Variants in BICD1 observed in about 807,000 individuals in gnomAD.
BICD1 encodes the protein protein bicaudal D homolog 1.
Under a neutral mutation model 92.5 loss-of-function variants are expected in BICD1, and 35 were observed. That is an observed-to-expected ratio of 0.38 (90% CI 0.29 to 0.50). The LOEUF (loss-of-function observed/expected upper bound fraction) is 0.50. Among genes scored for constraint, BICD1 ranks in the 20% least tolerant of loss-of-function variants. The pLI is 0.93. For missense variants in BICD1, 950 were observed against 1,189.8 expected, an observed-to-expected ratio of 0.80 and a Z score of 2.97; for synonymous variants, 429 against 465.1, an observed-to-expected ratio of 0.92 and a Z score of 1.00.
Position 32,378,093 on chromosome 12 carries a change from T to A in BICD1, c.*466T>A, listed in dbSNP as rs199870733. 1 of 152,676 alleles carries A rather than the reference T, an allele frequency of 6.5e-6. No homozygotes were observed. The highest frequency in any genetic ancestry group is 1.5e-5 in the Non-Finnish European group (1 of 68,224). The allele number at this position is 152,676 out of a possible 1,614,324, so 9.5% of individuals were successfully genotyped here. A position where few individuals can be genotyped will look rare whatever the true frequency, so the allele number is the denominator to read the frequency against. ...GATTTATGTCTATACAAATAATTTCTCTGAGGTGAATTTAATTCATTTATT... is the reference window on the plus strand; with the variant it reads ...GATTTATGTCTATACAAATAATTTCACTGAGGTGAATTTAATTCATTTATT... On this transcript the variant is annotated 3_prime_UTR_variant, in exon 10 of 10. Transcript: ENST00000652176.
intron 2 of BICD1, among the ~76,000 whole-genome samples, chr12:32,255,904 T>C (rs1946704741): frequency 6.6e-6 from 1 of 152,176 alleles, no homozygotes; most frequent in Non-Finnish European, 1.5e-5. Context: ...TTACCCTTAA[T>C]CAATGTTGAC....
At chr12:32,321,182 C>T (rs1367944260) in intron 4 of BICD1, among the ~76,000 whole-genome samples, 1 of 151,950 alleles carries the variant, frequency 6.6e-6, no homozygotes, top group Admixed American at 6.6e-5. Context: ...AAAAATTAGC[C>T]GGGCGTGGTG....
chr12:32,176,519 A>G (rs893404880), intron 1 of BICD1, among the ~76,000 whole-genome samples: 1 of 152,208 alleles, frequency 6.6e-6, no homozygotes, highest in Non-Finnish European at 1.5e-5. Flanking sequence ...TGCGTCAATC[A>G]AGATACGAAA....
chr12:32,216,222 CTT>C, intron 1 of BICD1, 23 bp from the exon 2 acceptor site: 1 of 1,606,392 alleles, frequency 6.2e-7, no homozygotes, highest in South Asian at 1.1e-5. Context: ...ATTGTGTACT[CTT>C]TTTCTTCCCA....
chr12:32,187,263 G>A (rs1944443142), intron 1 of BICD1, among the ~76,000 whole-genome samples: 1 of 152,152 alleles, frequency 6.6e-6, no homozygotes, highest in Non-Finnish European at 1.5e-5. Context: ...AATTTATCAG[G>A]ACAAACAGTT....
chr12:32,236,872 CTTTTTTTTTT>C (rs57318640), intron 2 of BICD1, among the ~76,000 whole-genome samples: 3 of 89,320 alleles, frequency 3.4e-5, no homozygotes, highest in Non-Finnish European at 6.4e-5. Flanking sequence ...AAGTCTAATT[CTTTTTTTTTT>C]TTTTTTTTTT....
At chr12:32,259,338 T>C (rs1160787816) in intron 2 of BICD1, among the ~76,000 whole-genome samples, 1 of 152,190 alleles carries the variant, frequency 6.6e-6, no homozygotes, top group Non-Finnish European at 1.5e-5. Flanking sequence ...ACCTGGGTAA[T>C]CCTCCACCCA....
At chr12:32,198,548 T>TC (rs1288634466) in intron 1 of BICD1, among the ~76,000 whole-genome samples, 2 of 147,908 alleles carry the variant, frequency 1.4e-5, no homozygotes, top group African/African-American at 2.5e-5. Flanking sequence ...TCCCCACTCT[T>TC]TTTTTTTTAT....
intron 9 of BICD1, among the ~76,000 whole-genome samples, chr12:32,374,729 G>A (rs1427623048): frequency 5.0e-5 from 6 of 120,398 alleles, no homozygotes; most frequent in South Asian, 2.9e-4. Flanking sequence ...CACCACGCCC[G>A]GCTAATTTTT....
chr12:32,369,295 G>A (rs1264049998), intron 9 of BICD1, among the ~76,000 whole-genome samples: 1 of 152,244 alleles, frequency 6.6e-6, no homozygotes, highest in East Asian at 1.9e-4. Flanking sequence ...GGCCTCTGAT[G>A]GTGCCAGACC....
intron 8 of BICD1, among the ~76,000 whole-genome samples, chr12:32,344,269 T>C (rs1354691088): frequency 2.6e-5 from 4 of 152,004 alleles, no homozygotes; most frequent in Non-Finnish European, 4.4e-5. Context: ...AAGAACCTTA[T>C]AGGAAAGGAG....
intron 8 of BICD1, among the ~76,000 whole-genome samples, chr12:32,364,552 A>G (rs539369417): frequency 6.6e-6 from 1 of 152,330 alleles, no homozygotes; most frequent in African/African-American, 2.4e-5. Context: ...GCTACATTTT[A>G]GTTTAATTTT....
At chr12:32,335,375 T>C (rs891733431) in intron 6 of BICD1, among the ~76,000 whole-genome samples, 2 of 151,606 alleles carry the variant, frequency 1.3e-5, no homozygotes, top group Non-Finnish European at 2.9e-5. Context: ...TGGTCTCGAT[T>C]TCCTGACCTC....
At chr12:32,298,480 G>A (rs7300734) in intron 3 of BICD1, among the ~76,000 whole-genome samples, 20,821 of 148,452 alleles carry the variant, frequency 0.14, 1,505 homozygotes, top group East Asian at 0.2. Flanking sequence ...CAGGAGAATC[G>A]CTTGAACCCA....
At chr12:32,233,324 A>T (rs1445392771) in intron 2 of BICD1, among the ~76,000 whole-genome samples, 1 of 145,332 alleles carries the variant, frequency 6.9e-6, no homozygotes, top group Admixed American at 6.9e-5. Context: ...TCTGTCTTTA[A>T]AAAAAAAAAA....
At chr12:32,153,188 A>G (rs1943339858) in intron 1 of BICD1, among the ~76,000 whole-genome samples, 1 of 152,058 alleles carries the variant, frequency 6.6e-6, no homozygotes, top group African/African-American at 2.4e-5. Context: ...CTTTTCCTGC[A>G]TTTCTTTGCT....
At chr12:32,367,888 T>C (rs1939586349) in intron 9 of BICD1, 143 bp downstream of exon 9, 1 of 731,576 alleles carries the variant, frequency 1.4e-6, no homozygotes, top group Admixed American at 2.2e-5. Flanking sequence ...AGACACACAT[T>C]GGACACCTGC....
intron 1 of BICD1, among the ~76,000 whole-genome samples, chr12:32,138,098 CA>C (rs984441702): frequency 1.3e-5 from 2 of 152,150 alleles, no homozygotes; most frequent in African/African-American, 4.8e-5. Flanking sequence ...CGTGCCTGGC[CA>C]AATATATAAA....
At chr12:32,182,947 T>C (rs1006845699) in intron 1 of BICD1, among the ~76,000 whole-genome samples, 1 of 147,360 alleles carries the variant, frequency 6.8e-6, no homozygotes, top group Non-Finnish European at 1.5e-5. Flanking sequence ...AAGGCTGGAA[T>C]GCAGTGGTGT....
Sources: gnomAD v4.1 joint callset for allele counts (sites outside exome capture counted in the v4.1 genomes callset) on GRCh38, gnomAD v4.1.1 for gene constraint, MANE v1.5 for transcripts, NCBI Gene and HGNC (gene_info 2026-07-23, HGNC 2026-07-21) for gene names.